The following XKR6 variants were observed in gnomAD, a reference collection of about 807,000 sequenced individuals.
XKR6 encodes the protein XK-related protein 6.
A neutral mutation model predicts 56.7 loss-of-function variants in XKR6; 22 were observed. That is an observed-to-expected ratio of 0.39 (90% CI 0.28 to 0.55). XKR6 has a LOEUF of 0.55. Among genes scored for constraint, XKR6 ranks in the 20% least tolerant of loss-of-function variants. The probability of loss-of-function intolerance (pLI) is 0.66; values close to 1 mark genes in which losing one functional copy is unlikely to be tolerated. For missense variants in XKR6, 852 were observed against 889.0 expected (o/e 0.96, Z 0.53); for synonymous variants, 524 against 387.8 (o/e 1.35, Z -4.13).
At chr8:11,142,214 G>A (rs1800739596) in intron 1 of XKR6, among the ~76,000 whole-genome samples, 1 of 152,138 alleles carries the variant, frequency 6.6e-6, no homozygotes, top group South Asian at 2.1e-4. Context: ...CTCAGGTCTT[G>A]AAGCATCATT....
chr8:11,117,974 C>A (rs773490853), intron 1 of XKR6, among the ~76,000 whole-genome samples: 2 of 151,968 alleles, frequency 1.3e-5, no homozygotes, highest in Non-Finnish European at 2.9e-5. Context: ...GTGTGGGGGA[C>A]CAGGCATCCA....
chr8:10,977,456 G>A (rs1356746039), intron 1 of XKR6, among the ~76,000 whole-genome samples: 4 of 151,812 alleles, frequency 2.6e-5, no homozygotes, highest in Non-Finnish European at 5.9e-5. Flanking sequence ...TAGGGAGGCA[G>A]TAAGTCCCCC....
At chr8:11,075,248 G>A (rs1489874395) in intron 1 of XKR6, among the ~76,000 whole-genome samples, 1 of 152,172 alleles carries the variant, frequency 6.6e-6, no homozygotes, top group Non-Finnish European at 1.5e-5. Context: ...CCCTTGATTG[G>A]TCTTACTCCG....
At position 11,039,493 on chromosome 8, in the gene XKR6, G is replaced by C. The variant is rs553609777; in HGVS notation, c.765-114663C>G. ...CGCACTGCCCATGAGTAACTTCTGTGTGCCTTTTCTCTTCCGAGATGAGGA... is the reference window on the plus strand; with the variant it reads ...CGCACTGCCCATGAGTAACTTCTGTCTGCCTTTTCTCTTCCGAGATGAGGA... On this transcript the variant is annotated intron_variant, in intron 1 of 2. Coordinates refer to ENST00000416569, the MANE Select transcript of XKR6 (RefSeq NM_173683.4). Among the ~76,000 whole-genome samples the C allele has an allele frequency of 1.8e-4, 28 of 152,352 alleles. 1 individual carries two copies. The South Asian group carries it at 5.8e-3, about 32-fold the overall frequency.
intron 1 of XKR6, among the ~76,000 whole-genome samples, chr8:10,971,826 A>G (rs898304248): frequency 1.3e-5 from 2 of 152,180 alleles, no homozygotes; most frequent in Admixed American, 1.3e-4. Context: ...GCCACCATGG[A>G]GCCCACTGTG....
chr8:11,192,884 G>A (rs141975650), intron 1 of XKR6, among the ~76,000 whole-genome samples: 23 of 152,278 alleles, frequency 1.5e-4, no homozygotes, highest in Non-Finnish European at 2.6e-4. Flanking sequence ...GCCCTCTGGA[G>A]GGGCCTGAGT....
intron 1 of XKR6, among the ~76,000 whole-genome samples, chr8:11,169,263 T>A (rs1289670507): frequency 1.3e-5 from 2 of 152,188 alleles, no homozygotes; most frequent in African/African-American, 2.4e-5. Context: ...TCACCCTTTG[T>A]GTCCATGCTC....
intron 1 of XKR6, among the ~76,000 whole-genome samples, chr8:11,177,249 G>A (rs924429465): frequency 7.9e-5 from 12 of 152,172 alleles, no homozygotes; most frequent in African/African-American, 2.4e-4. Context: ...CTCCTATAGC[G>A]AAGCTGTAGA....
chr8:10,977,836 GA>G (rs1802612686), intron 1 of XKR6, among the ~76,000 whole-genome samples: 2 of 151,726 alleles, frequency 1.3e-5, no homozygotes, highest in Non-Finnish European at 2.9e-5. Context: ...GCTAATTTTT[GA>G]AAAGTTAACT....
intron 1 of XKR6, among the ~76,000 whole-genome samples, chr8:11,092,337 C>A (rs1428237968): frequency 6.6e-6 from 1 of 152,206 alleles, no homozygotes; most frequent in East Asian, 1.9e-4. Flanking sequence ...AATACATATC[C>A]TTACAACCTT....
rs971546930 is a variant in XKR6, at chr8:11,177,493, C to T, written c.764+23083G>A. Among the ~76,000 whole-genome samples, 4 of 152,168 alleles carry T rather than the reference C, an allele frequency of 2.6e-5. No individual in the cohort carries two copies. In the South Asian group the frequency reaches 6.2e-4, roughly 24 times the overall value. ...AAAAGATAGATGGAAGTCCTAACCC[C>T]CTCCCCCAAAAATTCAGAACATGAC... On this transcript the variant is annotated intron_variant, in intron 1 of 2. Coordinates refer to ENST00000416569, the MANE Select transcript of XKR6 (RefSeq NM_173683.4).
intron 1 of XKR6, among the ~76,000 whole-genome samples, chr8:11,199,103 C>G (rs1313104323): frequency 6.6e-6 from 1 of 152,172 alleles, no homozygotes; most frequent in Non-Finnish European, 1.5e-5. Context: ...TCTCTCACTT[C>G]TTATAAACTT....
At chr8:11,006,496 T>C (rs1300127008) in intron 1 of XKR6, among the ~76,000 whole-genome samples, 2 of 152,324 alleles carry the variant, frequency 1.3e-5, no homozygotes, top group South Asian at 2.1e-4. Context: ...ATGTATATTC[T>C]ATTGATGAGA....
At chr8:10,943,948 G>A (rs1031216937) in intron 1 of XKR6, among the ~76,000 whole-genome samples, 2 of 152,132 alleles carry the variant, frequency 1.3e-5, no homozygotes, top group African/African-American at 4.8e-5. Context: ...GTCTCCCCCT[G>A]CCCGGATGTG....
intron 1 of XKR6, among the ~76,000 whole-genome samples, chr8:11,047,202 T>C (rs561651829): frequency 6.6e-6 from 1 of 152,338 alleles, no homozygotes; most frequent in South Asian, 2.1e-4. Flanking sequence ...ATTAGCTTAC[T>C]TGCGGGAATC....
chr8:11,043,379 C>G (rs1257791937), intron 1 of XKR6, among the ~76,000 whole-genome samples: 1 of 152,114 alleles, frequency 6.6e-6, no homozygotes, highest in Non-Finnish European at 1.5e-5. Context: ...TCGTCCATCT[C>G]CTCCTGGGCC....
chr8:11,160,376 G>C (rs534870382), intron 1 of XKR6, among the ~76,000 whole-genome samples: 1 of 151,854 alleles, frequency 6.6e-6, no homozygotes, highest in Admixed American at 6.5e-5. Flanking sequence ...CTGAAGCTGA[G>C]ATGGCCTTTA....
At chr8:10,923,571 G>C (rs1303307056) in intron 2 of XKR6, among the ~76,000 whole-genome samples, 4 of 152,256 alleles carry the variant, frequency 2.6e-5, no homozygotes, top group African/African-American at 9.6e-5. Context: ...AGTACCTAGG[G>C]GGATTGGAGC....
chr8:11,052,679 A>G (rs1247678266), intron 1 of XKR6, among the ~76,000 whole-genome samples: 1 of 151,732 alleles, frequency 6.6e-6, no homozygotes, highest in Non-Finnish European at 1.5e-5. Context: ...ACCTTGAGTT[A>G]AAGCTGGTGT....
Sources: gnomAD v4.1 joint callset for allele counts (sites outside exome capture counted in the v4.1 genomes callset) on GRCh38, gnomAD v4.1.1 for gene constraint, MANE v1.5 for transcripts, NCBI Gene and HGNC (gene_info 2026-07-23, HGNC 2026-07-21) for gene names.